Variants in ZNF423 observed in about 807,000 individuals in gnomAD.
ZNF423 encodes the protein Ebf-associated zinc finger protein.
ZNF423 carries 12 observed loss-of-function variants against 95.8 expected under a neutral mutation model. The ratio of observed to expected loss-of-function variants is 0.13; its 90% CI spans 0.08 to 0.20. The LOEUF (loss-of-function observed/expected upper bound fraction) is 0.20. Ranked by LOEUF, ZNF423 falls within the 10% of genes least tolerant of loss-of-function variation. The pLI is 1.00. For missense variants in ZNF423, 1,316 were observed against 1,737.1 expected, an observed-to-expected ratio of 0.76 and a Z score of 4.31; for synonymous variants, 749 against 711.9, an observed-to-expected ratio of 1.05 and a Z score of -0.83.
rs777569372 is a variant in ZNF423, at chr16:49,491,319, A to C, written c.3850-15T>G. The C allele has an allele frequency of 7.4e-6, 12 of 1,613,986 alleles. No individual in the cohort carries two copies. In the Admixed American group the frequency reaches 1.3e-4, roughly 18 times the overall value. ...ATCGTGTGGTTCTGCAAAGGCGAAG[A>C]AAGGAGACACACATGAAGGAGAAGA... On this transcript the variant is annotated splice_polypyrimidine_tract_variant and intron_variant, in intron 7 of 7. Transcript: ENST00000563137.
intron 5 of ZNF423, among the ~76,000 whole-genome samples, chr16:49,550,842 G>T (rs2151752766): frequency 6.6e-6 from 1 of 152,374 alleles, no homozygotes; most frequent in South Asian, 2.1e-4. Flanking sequence ...CCAGCCTGCT[G>T]GGCAGAGCCC....
intron 5 of ZNF423, among the ~76,000 whole-genome samples, chr16:49,535,408 A>T (rs1308953293): frequency 1.3e-5 from 2 of 152,234 alleles, no homozygotes; most frequent in East Asian, 3.9e-4. Context: ...ATTAGCAGAC[A>T]CATCCAAATC....
At chr16:49,712,956 C>A (rs2032591853) in intron 3 of ZNF423, among the ~76,000 whole-genome samples, 1 of 152,320 alleles carries the variant, frequency 6.6e-6, no homozygotes, top group Non-Finnish European at 1.5e-5. Flanking sequence ...AGGAGTTAAG[C>A]AGAAAATGGA....
intron 2 of ZNF423, among the ~76,000 whole-genome samples, chr16:49,751,915 C>T (rs887056986): frequency 6.6e-6 from 1 of 152,072 alleles, no homozygotes; most frequent in African/African-American, 2.4e-5. Flanking sequence ...AGAACTCAAA[C>T]TCCCACCCAG....
Position 49,638,054 on chromosome 16 carries a change from G to T in ZNF423, c.1122C>A (p.Ser374=), listed in dbSNP as rs1377617821. ...TGGAGTCGGGTGTGGCGCTGCTCAT[G>T]GAGGCCACGCTGCCCAGTACAGGGT... ...SPDPVLGSVA[S]MSSATPDSSA... is the part of the protein sequence containing the mutation. The change falls in exon 4 of 8, where the codon TCC becomes TCA. Residue 374 remains serine, a synonymous_variant. Coordinates refer to ENST00000563137, the MANE Select transcript of ZNF423 (RefSeq NM_001379286.1). The surrounding 1 kb of genome is among the most constrained non-coding windows in gnomAD (Gnocchi z 5.6). 1.9e-6 allele frequency: 3 copies of T among 1,613,838 alleles called. No homozygotes were observed. The highest frequency in any genetic ancestry group is 2.5e-6 in the Non-Finnish European group (3 of 1,180,002).
chr16:49,730,783 G>C lies in ZNF423; in HGVS notation c.289C>G (p.Arg97Gly), dbSNP rs146233664. ...LADLTDHRAHRCPGDGDDDPQ... is the reference protein window; with the variant it reads ...LADLTDHRAHGCPGDGDDDPQ... ...TGTTTTGCATTACCTCCAGGACAGC[G>C]GTGGGCCCGGTGGTCCGTCAGGTCT... is the stretch of plus-strand genomic sequence containing the variant. The change falls in exon 3 of 8, where the codon CGC (arginine) becomes GGC (glycine). Residue 97 changes from arginine to glycine, a missense_variant. Around this residue, in one of 6 missense-constraint regions of ZNF423, gnomAD observed 155 missense variants for 170.8 expected, o/e 0.91. Coordinates refer to ENST00000563137, the MANE Select transcript of ZNF423 (RefSeq NM_001379286.1). 5 of 1,614,076 alleles carry C rather than the reference G, an allele frequency of 3.1e-6. No individual in the cohort carries two copies. Among genetic ancestry groups the C allele is most frequent in the African/African-American group, 1.3e-5 (1 of 74,930 alleles).
At chr16:49,668,937 G>C (rs1421613671) in intron 3 of ZNF423, among the ~76,000 whole-genome samples, 1 of 152,186 alleles carries the variant, frequency 6.6e-6, no homozygotes, top group Non-Finnish European at 1.5e-5. Context: ...CTTACTTGAG[G>C]ACTGAAGGGA....
intron 3 of ZNF423, among the ~76,000 whole-genome samples, chr16:49,706,336 C>T (rs2032349638): frequency 6.6e-6 from 1 of 152,256 alleles, no homozygotes; most frequent in Non-Finnish European, 1.5e-5. Context: ...AGGATAGAGC[C>T]TTCAAGTTCT....
At chr16:49,723,124 T>A (rs1158704556) in intron 3 of ZNF423, among the ~76,000 whole-genome samples, 1 of 151,870 alleles carries the variant, frequency 6.6e-6, no homozygotes, top group Non-Finnish European at 1.5e-5. Flanking sequence ...CCCGGCTAAT[T>A]TTTTGTATTT....
intron 1 of ZNF423, among the ~76,000 whole-genome samples, chr16:49,806,393 A>C (rs1340266918): frequency 1.3e-5 from 2 of 152,246 alleles, no homozygotes; most frequent in East Asian, 1.9e-4. Flanking sequence ...TTTCGGGTGG[A>C]AAGGAAGAAG....
chr16:49,730,555 C>T, intron 3 of ZNF423: 1 of 601,932 alleles, frequency 1.7e-6, no homozygotes, highest in East Asian at 2.9e-5. Context: ...CGGGACAGAG[C>T]ACCACCATCT....
intron 3 of ZNF423, among the ~76,000 whole-genome samples, chr16:49,714,017 A>G (rs1301147632): frequency 6.6e-6 from 1 of 152,140 alleles, no homozygotes; most frequent in Non-Finnish European, 1.5e-5. Context: ...GTGGTAAAGG[A>G]AGGAGGAGAG....
At chr16:49,722,471 T>A (rs2032893897) in intron 3 of ZNF423, among the ~76,000 whole-genome samples, 2 of 152,246 alleles carry the variant, frequency 1.3e-5, no homozygotes, top group South Asian at 4.1e-4. Flanking sequence ...AGCTACCTTT[T>A]ATAATAGCCT....
Position 49,801,112 on chromosome 16 carries a change from C to T in ZNF423, c.41-11566G>A, listed in dbSNP as rs761960487. Among the ~76,000 whole-genome samples the T allele has an allele frequency of 4.6e-5, 7 of 152,216 alleles. No individual in the cohort carries two copies. In the East Asian group the frequency reaches 1.3e-3, roughly 29 times the overall value. ...TTTTTCTTCTTCTAAAACAGTCCCT[C>T]GCAGCTCTGTCAGAAGAGGAGCCAA... is the stretch of plus-strand genomic sequence containing the variant. On this transcript the variant is annotated intron_variant, in intron 1 of 7. Coordinates refer to ENST00000563137, the MANE Select transcript of ZNF423 (RefSeq NM_001379286.1).
intron 2 of ZNF423, among the ~76,000 whole-genome samples, chr16:49,784,731 C>T (rs1357490316): frequency 1.3e-5 from 2 of 152,076 alleles, no homozygotes; most frequent in Admixed American, 6.6e-5. Context: ...GGGTGGATCA[C>T]CTGAGGTCAG....
chr16:49,632,945 A>G (rs1972554923), intron 4 of ZNF423, among the ~76,000 whole-genome samples: 1 of 152,314 alleles, frequency 6.6e-6, no homozygotes, highest in South Asian at 2.1e-4. Flanking sequence ...GGCACCCAGG[A>G]GAAGCGGGCA....
At chr16:49,662,671 G>A (rs1203085109) in intron 3 of ZNF423, among the ~76,000 whole-genome samples, 1 of 152,180 alleles carries the variant, frequency 6.6e-6, no homozygotes, top group Non-Finnish European at 1.5e-5. Context: ...AAGAAGTGCA[G>A]GGCAGGAAAA....
chr16:49,677,622 A>T (rs1313838678), intron 3 of ZNF423, among the ~76,000 whole-genome samples: 1 of 151,672 alleles, frequency 6.6e-6, no homozygotes, highest in African/African-American at 2.4e-5. Flanking sequence ...CTGTCTCTAT[A>T]AAATTTTTTT....
intron 1 of ZNF423, 147 bp from the exon 2 acceptor site, chr16:49,789,693 G>A (rs919623163): frequency 9.1e-6 from 6 of 658,626 alleles, no homozygotes; most frequent in Non-Finnish European, 1.2e-5. Context: ...CCTACAAAGA[G>A]GCCTTTATTG....
Sources: gnomAD v4.1 joint callset for allele counts (sites outside exome capture counted in the v4.1 genomes callset) on GRCh38, gnomAD v4.1.1 for gene constraint, gnomAD v4.1.1 regional missense constraint, Gnocchi (gnomAD v3.1) non-coding constraint, MANE v1.5 for transcripts, NCBI Gene and HGNC (gene_info 2026-07-23, HGNC 2026-07-21) for gene names.